Variants in ARHGAP17 observed in about 807,000 individuals in gnomAD.
ARHGAP17 encodes Rho GTPase activating protein 17.
Under a neutral mutation model 99.5 loss-of-function variants are expected in ARHGAP17, and 57 were observed. The ratio of observed to expected loss-of-function variants is 0.57; its 90% CI spans 0.46 to 0.71. The LOEUF (loss-of-function observed/expected upper bound fraction) is 0.71, where lower values mean the gene tolerates loss of function less well. ARHGAP17 is among the 30% of genes least tolerant of loss of function. The probability of loss-of-function intolerance (pLI) is 0.00; values close to 1 mark genes in which losing one functional copy is unlikely to be tolerated. For synonymous variants in ARHGAP17, 417 were observed against 429.6 expected (o/e 0.97, Z 0.36); for missense variants, 1,000 against 1,122.4 (o/e 0.89, Z 1.56).
intron 19 of ARHGAP17, among the ~76,000 whole-genome samples, chr16:24,926,047 T>C (rs1014804541): frequency 6.7e-6 from 1 of 148,764 alleles, no homozygotes; most frequent in Admixed American, 6.7e-5. Flanking sequence ...GAGGCGGAGC[T>C]TGCAGTGAGC....
intron 12 of ARHGAP17, among the ~76,000 whole-genome samples, chr16:24,951,169 C>T (rs1354134585): frequency 6.6e-6 from 1 of 152,176 alleles, no homozygotes; most frequent in East Asian, 1.9e-4. Flanking sequence ...TTAAAATCAT[C>T]TGTTCCTAGA....
At chr16:24,943,585 T>C (rs546433776) in intron 15 of ARHGAP17, among the ~76,000 whole-genome samples, 186 bp downstream of exon 15, 7 of 152,262 alleles carry the variant, frequency 4.6e-5, no homozygotes, top group Non-Finnish European at 1.0e-4. Flanking sequence ...CTAAGTGAAA[T>C]ACAATACAAT....
At chr16:24,972,893 C>T (rs908553138) in intron 3 of ARHGAP17, among the ~76,000 whole-genome samples, 1 of 151,916 alleles carries the variant, frequency 6.6e-6, no homozygotes, top group African/African-American at 2.4e-5. Context: ...ACAGGGAGGG[C>T]TTCGTGCTTC....
chr16:24,986,389 G>T (rs2052871481), intron 1 of ARHGAP17, among the ~76,000 whole-genome samples: 1 of 152,162 alleles, frequency 6.6e-6, no homozygotes, highest in Admixed American at 6.5e-5. Context: ...TAAACCAGGG[G>T]TCAGCAAACT....
chr16:24,998,414 G>A (rs1476891104), intron 1 of ARHGAP17, among the ~76,000 whole-genome samples: 1 of 152,018 alleles, frequency 6.6e-6, no homozygotes, highest in Non-Finnish European at 1.5e-5. Flanking sequence ...GACAGAGGGT[G>A]GGGTCCAGGC....
intron 17 of ARHGAP17, among the ~76,000 whole-genome samples, chr16:24,937,004 A>T (rs2051157999): frequency 6.6e-6 from 1 of 151,610 alleles, no homozygotes; most frequent in Non-Finnish European, 1.5e-5. Flanking sequence ...CTATAGTCCC[A>T]GTTGGGAGGC....
chr16:24,925,996 G>A (rs2050830427), intron 19 of ARHGAP17, among the ~76,000 whole-genome samples: 7 of 151,686 alleles, frequency 4.6e-5, no homozygotes, highest in Admixed American at 4.6e-4. Flanking sequence ...TGTAGTCCCA[G>A]CTACTCGGGA....
intron 9 of ARHGAP17, among the ~76,000 whole-genome samples, chr16:24,958,080 A>G (rs767291156): frequency 2.2e-4 from 34 of 152,106 alleles, no homozygotes; most frequent in Non-Finnish European, 4.3e-4. Context: ...GACAAATCGC[A>G]CTTCCTCCAC....
In ARHGAP17 at chr16:24,939,416, C is replaced by A; in HGVS notation, c.1672G>T (p.Val558Phe). The A allele has an allele frequency of 6.2e-7, 1 of 1,611,452 alleles. No homozygotes were observed. Among genetic ancestry groups the A allele is most frequent in the African/African-American group, 1.3e-5 (1 of 74,990 alleles). The change falls in exon 17 of 20, where the codon GTC becomes TTC. Residue 558 changes from valine (V) to phenylalanine (F), a missense_variant. This residue lies in a region of ARHGAP17 where 528 missense variants were observed against 511.4 expected (regional missense o/e 1.03). Transcript: ENST00000289968. ...TCCAGTATGCCCGCGGAAGAGGGGA[C>A]AGTCCCACCCCCAGAGCTGCTTTCA... Reference protein sequence around the residue: ...RAESSSGGGTVPSSAGILEQG... With the variant: ...RAESSSGGGTFPSSAGILEQG...
rs749151012 is a variant in ARHGAP17, at chr16:24,947,483, C to T, written c.1240G>A (p.Gly414Arg). Residue 414 changes from glycine (G) to arginine (R), a missense_variant and splice_region_variant, in exon 14 of 20, where the codon GGA (glycine) becomes AGA (arginine). By Grantham distance (125) the Gly-to-Arg change is moderately radical (BLOSUM62 -2). Around this residue, in one of 2 missense-constraint regions of ARHGAP17, gnomAD observed 472 missense variants for 611.1 expected, o/e 0.77. Coordinates refer to ENST00000289968, the MANE Select transcript of ARHGAP17 (RefSeq NM_001006634.3). ...GPNLLWARNE[G>R]TLAEMAAATS... is the part of the protein sequence containing the mutation. ...ATGATACAGAGAAAGATGACTTACCCTTCATTTCTGGCCCATAACAAGTTA... is the reference window on the plus strand; with the variant it reads ...ATGATACAGAGAAAGATGACTTACCTTTCATTTCTGGCCCATAACAAGTTA... 1.4e-5 allele frequency: 23 copies of T among 1,611,714 alleles called. No individual in the cohort carries two copies. The Admixed American group carries it at 3.7e-4, about 26-fold the overall frequency.
At chr16:24,949,731 C>T (rs1294921522) in intron 12 of ARHGAP17, among the ~76,000 whole-genome samples, 7 of 152,154 alleles carry the variant, frequency 4.6e-5, no homozygotes, top group Non-Finnish European at 8.8e-5. Context: ...GATTTTGAGG[C>T]GTCTGTGACA....
intron 1 of ARHGAP17, 36 bp from the exon 2 acceptor site, chr16:24,979,041 CA>C: frequency 1.4e-6 from 2 of 1,475,188 alleles, no homozygotes; most frequent in South Asian, 1.2e-5. Context: ...GTTAGAAATC[CA>C]AAAATGAAAG....
intron 2 of ARHGAP17, among the ~76,000 whole-genome samples, chr16:24,978,437 C>A (rs1002108130): frequency 1.3e-5 from 2 of 152,028 alleles, no homozygotes; most frequent in African/African-American, 4.8e-5. Context: ...TGCACAGCCC[C>A]CTGGGGAAAT....
chr16:24,977,848 C>T (rs926052116), intron 2 of ARHGAP17, among the ~76,000 whole-genome samples: 26 of 152,074 alleles, frequency 1.7e-4, no homozygotes, highest in African/African-American at 5.6e-4. Flanking sequence ...CAAAGAGAGC[C>T]GCTTTTTACA....
At chr16:24,959,881 T>C in intron 8 of ARHGAP17, 30 bp downstream of exon 8, 2 of 1,610,134 alleles carry the variant, frequency 1.2e-6, no homozygotes, top group Non-Finnish European at 1.7e-6. Flanking sequence ...TTAACAATGC[T>C]TTAACATTTT....
At chr16:24,930,181 A>G (rs1315278791) in intron 19 of ARHGAP17, among the ~76,000 whole-genome samples, 1 of 152,256 alleles carries the variant, frequency 6.6e-6, no homozygotes, top group African/African-American at 2.4e-5. Flanking sequence ...CTGGGTCTAC[A>G]GGAAAATCTT....
intron 1 of ARHGAP17, among the ~76,000 whole-genome samples, chr16:24,994,076 T>C (rs1215158889): frequency 6.6e-6 from 1 of 152,166 alleles, no homozygotes; most frequent in African/African-American, 2.4e-5. Context: ...GTCACAGATG[T>C]GGCCCAGGAA....
chr16:24,925,109 T>TGG (rs1173278813), intron 19 of ARHGAP17, among the ~76,000 whole-genome samples: 1 of 152,108 alleles, frequency 6.6e-6, no homozygotes, highest in Non-Finnish European at 1.5e-5. Context: ...CCAGGTGCGG[T>TGG]GGCTCATGCC....
At chr16:24,968,902 T>C in intron 4 of ARHGAP17, 130 bp from the exon 5 acceptor site, 1 of 760,878 alleles carries the variant, frequency 1.3e-6, no homozygotes, top group Non-Finnish European at 2.2e-6. Flanking sequence ...CTTGAAAATA[T>C]TATAAATGTA....
Sources: allele counts gnomAD v4.1 joint callset (sites outside exome capture counted in the v4.1 genomes callset), GRCh38; gene constraint gnomAD v4.1.1; regional missense constraint gnomAD v4.1.1; transcripts MANE v1.5; gene names NCBI Gene and HGNC (gene_info 2026-07-23, HGNC 2026-07-21).